MBOAT2: variants seen among roughly 807,000 people sequenced by gnomAD.
MBOAT2 encodes the protein membrane-bound glycerophospholipid O-acyltransferase 2.
MBOAT2 carries 28 observed loss-of-function variants against 63.4 expected under a neutral mutation model. That is an observed-to-expected ratio of 0.44 (90% confidence interval 0.33 to 0.61). The LOEUF is 0.61. Among genes scored for constraint, MBOAT2 ranks in the 20% least tolerant of loss-of-function variants. The pLI is 0.03. For missense variants in MBOAT2, 470 were observed against 605.8 expected (o/e 0.78, Z 2.35); for synonymous variants, 211 against 215.6 (o/e 0.98, Z 0.19).
At chr2:8,947,437 AT>A (rs1485870130) in intron 2 of MBOAT2, among the ~76,000 whole-genome samples, 1 of 152,214 alleles carries the variant, frequency 6.6e-6, no homozygotes, top group Non-Finnish European at 1.5e-5. Flanking sequence ...TAAGCAAAAG[AT>A]TTTCAGTGTA....
intron 11 of MBOAT2, among the ~76,000 whole-genome samples, chr2:8,861,366 T>C (rs1190305113): frequency 6.6e-6 from 1 of 152,162 alleles, no homozygotes; most frequent in African/African-American, 2.4e-5. Context: ...AGGGCAGTGG[T>C]AGAACTTGAA....
At chr2:8,861,478 G>C (rs1181925374) in intron 11 of MBOAT2, among the ~76,000 whole-genome samples, 1 of 152,200 alleles carries the variant, frequency 6.6e-6, no homozygotes, top group Non-Finnish European at 1.5e-5. Flanking sequence ...CGTACCTCAG[G>C]ACAAATGGAT....
At chr2:8,992,747 A>T (rs1227933361) in intron 1 of MBOAT2, among the ~76,000 whole-genome samples, 3 of 152,372 alleles carry the variant, frequency 2.0e-5, no homozygotes, top group East Asian at 1.9e-4. Flanking sequence ...GTCTTTGTCC[A>T]ACGCCTAGAC....
intron 2 of MBOAT2, among the ~76,000 whole-genome samples, chr2:8,945,396 G>A (rs1668345038): frequency 6.6e-6 from 1 of 152,134 alleles, no homozygotes; most frequent in Non-Finnish European, 1.5e-5. Flanking sequence ...GTGGCCACTT[G>A]AGATTTTTCA....
At chr2:8,943,039 A>T (rs192792526) in intron 3 of MBOAT2, 148 bp downstream of exon 3, 1 of 511,788 alleles carries the variant, frequency 2.0e-6, no homozygotes, top group East Asian at 3.3e-5. Flanking sequence ...ATGCATACCA[A>T]TGATTTTATT....
intron 6 of MBOAT2, among the ~76,000 whole-genome samples, chr2:8,879,191 G>A (rs2148534488): frequency 6.6e-6 from 1 of 151,722 alleles, no homozygotes; most frequent in East Asian, 1.9e-4. Context: ...TCTATTTAAT[G>A]ATGAAACAGC....
At chr2:8,943,734 G>T (rs55829727) in intron 2 of MBOAT2, among the ~76,000 whole-genome samples, 1 of 152,108 alleles carries the variant, frequency 6.6e-6, no homozygotes, top group Non-Finnish European at 1.5e-5. Flanking sequence ...CTAAATATTA[G>T]AATTTACAAA....
chr2:8,913,624 T>A (rs938074721), intron 3 of MBOAT2, among the ~76,000 whole-genome samples: 1 of 152,044 alleles, frequency 6.6e-6, no homozygotes, highest in African/African-American at 2.4e-5. Flanking sequence ...AAAACCACAA[T>A]GTGATACCAC....
At chr2:8,967,204 G>A (rs1670056180) in intron 1 of MBOAT2, among the ~76,000 whole-genome samples, 1 of 152,138 alleles carries the variant, frequency 6.6e-6, no homozygotes, top group African/African-American at 2.4e-5. Flanking sequence ...ACGTATGAAG[G>A]GAGAGAACGG....
chr2:8,946,418 T>C (rs1668415536), intron 2 of MBOAT2, among the ~76,000 whole-genome samples: 1 of 152,168 alleles, frequency 6.6e-6, no homozygotes, highest in Non-Finnish European at 1.5e-5. Flanking sequence ...AGATGATTGT[T>C]TTAAAAGAAA....
At chr2:8,904,423 C>T (rs904558482) in intron 4 of MBOAT2, among the ~76,000 whole-genome samples, 9 of 152,042 alleles carry the variant, frequency 5.9e-5, no homozygotes, top group African/African-American at 2.2e-4. Context: ...GCGATCCTCC[C>T]ACTTCAGCCT....
intron 3 of MBOAT2, among the ~76,000 whole-genome samples, chr2:8,925,961 T>A (rs1038272298): frequency 6.6e-6 from 1 of 152,188 alleles, no homozygotes; most frequent in Non-Finnish European, 1.5e-5. Context: ...TCTTACGAAG[T>A]AAGTGTTATT....
Position 8,996,357 on chromosome 2 carries a change from G to GT in MBOAT2, c.75+7182dup, listed in dbSNP as rs199890504. On this transcript the variant is annotated intron_variant, in intron 1 of 12. Coordinates refer to ENST00000305997, the MANE Select transcript of MBOAT2 (RefSeq NM_138799.4). ...TGTGCATAAAGGAGTCTGACAACAG[G>GT]TTTTTTATTTGTATTCATCGGGTAG... Among the ~76,000 whole-genome samples, 1,404 of 152,060 alleles carry GT rather than the reference G, an allele frequency of 9.2e-3. 9 individuals carry two copies. Among genetic ancestry groups the GT allele is most frequent in the Non-Finnish European group, 0.014 (945 of 67,936 alleles).
intron 1 of MBOAT2, among the ~76,000 whole-genome samples, chr2:8,968,799 T>C (rs1473719162): frequency 6.6e-6 from 1 of 151,980 alleles, no homozygotes; most frequent in Non-Finnish European, 1.5e-5. Flanking sequence ...ATCAAATGAA[T>C]GAAATGAAGC....
At chr2:8,965,784 C>T (rs888074825) in intron 1 of MBOAT2, among the ~76,000 whole-genome samples, 3 of 152,146 alleles carry the variant, frequency 2.0e-5, no homozygotes, top group Admixed American at 6.5e-5. Flanking sequence ...ACTAGCCACA[C>T]GCCCATCAAC....
intron 4 of MBOAT2, among the ~76,000 whole-genome samples, chr2:8,891,139 C>T (rs1663961336): frequency 6.6e-6 from 1 of 152,226 alleles, no homozygotes; most frequent in Admixed American, 6.5e-5. Flanking sequence ...ATTAGCTCAA[C>T]ACATTCCCTT....
At chr2:8,949,622 G>C (rs533252366) in intron 2 of MBOAT2, among the ~76,000 whole-genome samples, 2 of 151,854 alleles carry the variant, frequency 1.3e-5, no homozygotes, top group Non-Finnish European at 2.9e-5. Flanking sequence ...CTTTATTTTT[G>C]TCAATTTTGT....
intron 3 of MBOAT2, among the ~76,000 whole-genome samples, chr2:8,925,702 C>T (rs1165792909): frequency 6.6e-6 from 1 of 152,186 alleles, no homozygotes; most frequent in African/African-American, 2.4e-5. Flanking sequence ...GACTCACAGT[C>T]CCCATCCTGA....
chr2:8,943,358 A>T (rs1283739055), intron 2 of MBOAT2, 94 bp from the exon 3 acceptor site: 1 of 639,564 alleles, frequency 1.6e-6, no homozygotes, highest in East Asian at 2.9e-5. Flanking sequence ...TGCATAACAC[A>T]GTATTCCCAG....
Sources: allele counts gnomAD v4.1 joint callset (sites outside exome capture counted in the v4.1 genomes callset), GRCh38; gene constraint gnomAD v4.1.1; transcripts MANE v1.5; gene names NCBI Gene and HGNC (gene_info 2026-07-23, HGNC 2026-07-21).